The following OR11H12 variants were observed in gnomAD, a reference collection of about 807,000 sequenced individuals.
OR11H12 encodes the protein olfactory receptor family 11 subfamily H member 12, also known as olfactory receptor 11H12.
OR11H12 carries 10 observed loss-of-function variants against 19.8 expected under a neutral mutation model. The ratio of observed to expected loss-of-function variants is 0.51; its 90% CI spans 0.31 to 0.86. The LOEUF (loss-of-function observed/expected upper bound fraction) is 0.86. OR11H12 is among the 40% of genes least tolerant of loss of function. The pLI, the probability that OR11H12 is intolerant of heterozygous loss-of-function variation, is 0.04. For missense variants in OR11H12, 123 were observed against 384.2 expected (o/e 0.32, Z 5.68); for synonymous variants, 40 against 140.5 (o/e 0.28, Z 5.06).
chr14:18,601,193 A>C lies in OR11H12; in HGVS notation c.77A>C (p.Glu26Ala). Residue 26 changes from glutamate (E) to alanine (A), a missense_variant, in exon 1 of 1, where the codon GAA becomes GCA. Transcript: ENST00000550708. The stretch of plus-strand genomic sequence containing the variant: ...AATTCCAGCTTTGCTTTTGTAAATG[A>C]ATTTATACTCCAAGGTTTCACTTGT... ...EPNSSFAFVN[E>A]FILQGFTCEW... 1 of 1,608,832 alleles carries C rather than the reference A, an allele frequency of 6.2e-7. No homozygotes were observed. The highest frequency in any genetic ancestry group is 8.5e-7 in the Non-Finnish European group (1 of 1,179,442).
In OR11H12 at chr14:18,601,184, T is replaced by C; in HGVS notation, c.68T>C (p.Phe23Ser). Residue 23 changes from phenylalanine (F) to serine (S), a missense_variant, in exon 1 of 1, where the codon TTT (phenylalanine) becomes TCT (serine). Physicochemically the swap from Phe to Ser is radical, Grantham distance 155. Coordinates refer to ENST00000550708, the MANE Select transcript of OR11H12 (RefSeq NM_001013354.1). ...NVSEPNSSFA[F>S]VNEFILQGFT... Reference sequence around the variant, plus strand: ...TCTGAGCCAAATTCCAGCTTTGCTTTTGTAAATGAATTTATACTCCAAGGT... The same window carrying C: ...TCTGAGCCAAATTCCAGCTTTGCTTCTGTAAATGAATTTATACTCCAAGGT... 6.2e-7 allele frequency: 1 copy of C among 1,608,788 alleles called. No homozygotes were observed. Among genetic ancestry groups the C allele is most frequent in the Non-Finnish European group, 8.5e-7 (1 of 1,179,462 alleles).
In OR11H12 at chr14:18,601,548, C is replaced by G. The variant is rs778897707; in HGVS notation, c.432C>G (p.Pro144=). The part of the protein sequence containing the change: ...AFDQYLAICR[P]LLYPNIMTGH... The stretch of plus-strand genomic sequence containing the variant: ...ATCAGTACCTTGCTATCTGCCGTCC[C>G]TTGCTCTATCCTAATATCATGACTG... The change falls in exon 1 of 1, where the codon CCC becomes CCG. Residue 144 remains proline, a synonymous_variant. Coordinates refer to ENST00000550708, the MANE Select transcript of OR11H12 (RefSeq NM_001013354.1). 1 of 1,611,708 alleles carries G rather than the reference C, an allele frequency of 6.2e-7. No homozygotes were observed. Among genetic ancestry groups the G allele is most frequent in the Non-Finnish European group, 8.5e-7 (1 of 1,179,848 alleles).
In OR11H12 at chr14:18,601,217, G is replaced by C. The variant is rs374870325; in HGVS notation, c.101G>C (p.Cys34Ser). Residue 34 changes from cysteine (C) to serine (S), a missense_variant, in exon 1 of 1, where the codon TGT becomes TCT. Transcript: ENST00000550708. ...VNEFILQGFT[C>S]EWTIQIFLFS... ...GAATTTATACTCCAAGGTTTCACTT[G>C]TGAGTGGACAATTCAGATCTTCCTC... 10 of 1,609,118 alleles carry C rather than the reference G, an allele frequency of 6.2e-6. No homozygotes were observed. In the African/African-American group the frequency reaches 1.1e-4, roughly 18 times the overall value.
chr14:18,601,280 C>G lies in OR11H12; in HGVS notation c.164C>G (p.Thr55Arg), dbSNP rs750873255. The G allele has an allele frequency of 2.5e-5, 39 of 1,587,214 alleles. No homozygotes were observed. Among genetic ancestry groups the G allele is most frequent in the Non-Finnish European group, 3.1e-5 (36 of 1,166,066 alleles). ...ACTACAACATATGCACTGACTATAA[C>G]AGGGAATGGAGCCATTGCTTTTGTC... ...LFTTTYALTI[T>R]GNGAIAFVLW... The change falls in exon 1 of 1, where the codon ACA (threonine) becomes AGA (arginine). Residue 55 changes from threonine (T) to arginine (R), a missense_variant. Transcript: ENST00000550708.
rs555636928 is a variant in OR11H12 at position 18,601,354 on chromosome 14, A to T, written c.238A>T (p.Asn80Tyr). ...CACTCCCATGTACATGTTCCTGGGA[A>T]ATTTCTCCTTTTTAGAGATATGGTA... is the stretch of plus-strand genomic sequence containing the variant. ...LHTPMYMFLG[N>Y]FSFLEIWYVS... Residue 80 changes from asparagine (N) to tyrosine (Y), a missense_variant, in exon 1 of 1, where the codon AAT (asparagine) becomes TAT (tyrosine). By Grantham distance (143) the Asn-to-Tyr change is moderately radical. Transcript: ENST00000550708. The T allele has an allele frequency of 1.3e-5, 21 of 1,557,874 alleles. 1 individual carries two copies. In the East Asian group the frequency reaches 4.8e-4, roughly 35 times the overall value.
Position 18,601,251 on chromosome 14 carries a change from C to T in OR11H12, c.135C>T (p.Leu45=). 6.2e-7 allele frequency: 1 copy of T among 1,607,136 alleles called. No homozygotes were observed. Among genetic ancestry groups the T allele is most frequent in the East Asian group, 2.2e-5 (1 of 44,754 alleles). The stretch of plus-strand genomic sequence containing the variant: ...CAATTCAGATCTTCCTCTTCTCACT[C>T]TTTACTACAACATATGCACTGACTA... ...EWTIQIFLFS[L]FTTTYALTIT... The change falls in exon 1 of 1, where the codon CTC becomes CTT. Residue 45 remains leucine (L), a synonymous_variant. Transcript: ENST00000550708.
the OR11H12 span, chr14:18,601,288 G>T: frequency 6.4e-7 from 1 of 1,571,332 alleles, no homozygotes; most frequent in Admixed American, 1.7e-5. Flanking sequence ...AACAGGGAAT[G>T]GAGCCATTGC....
In OR11H12 at chr14:18,601,124, C is replaced by G; in HGVS notation, c.8C>G (p.Pro3Arg). 1 of 1,546,900 alleles carries G rather than the reference C, an allele frequency of 6.5e-7. No individual in the cohort carries two copies. Among genetic ancestry groups the G allele is most frequent in the South Asian group, 1.1e-5 (1 of 89,676 alleles). Residue 3 changes from proline (P) to arginine (R), a missense_variant, in exon 1 of 1, where the codon CCC (proline) becomes CGC (arginine). Coordinates refer to ENST00000550708, the MANE Select transcript of OR11H12 (RefSeq NM_001013354.1). MC[P>R]LTLQVTGLMN... Reference sequence around the variant, plus strand: ...AAAGAGTCCTGACTGATAATGTGTCCCTTGACCTTGCAGGTCACTGGCCTA... The same window carrying G: ...AAAGAGTCCTGACTGATAATGTGTCGCTTGACCTTGCAGGTCACTGGCCTA...
the OR11H12 span, chr14:18,601,223 G>A: frequency 6.2e-7 from 1 of 1,609,002 alleles, no homozygotes. Flanking sequence ...ACTTGTGAGT[G>A]GACAATTCAG....
Position 18,601,175 on chromosome 14 carries a change from G to C in OR11H12, c.59G>C (p.Ser20Thr). ...GLMNVSEPNS[S>T]FAFVNEFILQ... ...ATGAATGTCTCTGAGCCAAATTCCA[G>C]CTTTGCTTTTGTAAATGAATTTATA... Residue 20 changes from serine to threonine, a missense_variant, in exon 1 of 1, where the codon AGC (serine) becomes ACC (threonine). Coordinates refer to ENST00000550708, the MANE Select transcript of OR11H12 (RefSeq NM_001013354.1). 6.2e-7 allele frequency: 1 copy of C among 1,608,160 alleles called. No individual in the cohort carries two copies. Among genetic ancestry groups the C allele is most frequent in the Middle Eastern group, 2.3e-4 (1 of 4,420 alleles).
rs1163449514 is a variant in OR11H12, at chr14:18,601,685, A to T, written c.569A>T (p.Asp190Val). 2.5e-6 allele frequency: 4 copies of T among 1,609,704 alleles called. No homozygotes were observed. Among genetic ancestry groups the T allele is most frequent in the Non-Finnish European group, 8.5e-7 (1 of 1,178,980 alleles). Residue 190 changes from aspartate (D) to valine (V), a missense_variant, in exon 1 of 1, where the codon GAC (aspartate) becomes GTC (valine). Coordinates refer to ENST00000550708, the MANE Select transcript of OR11H12 (RefSeq NM_001013354.1). ...CCCTTCTGTGGCCCAAACATTATTGACCATGTTGTGTGTGACCCAGGGCCA... is the reference window on the plus strand; with the variant it reads ...CCCTTCTGTGGCCCAAACATTATTGTCCATGTTGTGTGTGACCCAGGGCCA... Reference protein sequence around the residue: ...QMPFCGPNIIDHVVCDPGPRF... With the variant: ...QMPFCGPNIIVHVVCDPGPRF...
rs978078679 is a variant in OR11H12, at chr14:18,601,243, T to A, written c.127T>A (p.Phe43Ile). 1 of 1,607,926 alleles carries A rather than the reference T, an allele frequency of 6.2e-7. No individual in the cohort carries two copies. The highest frequency in any genetic ancestry group is 8.5e-7 in the Non-Finnish European group (1 of 1,179,276). Reference protein sequence around the residue: ...TCEWTIQIFLFSLFTTTYALT... With the variant: ...TCEWTIQIFLISLFTTTYALT... ...TGAGTGGACAATTCAGATCTTCCTCTTCTCACTCTTTACTACAACATATGC... is the reference window on the plus strand; with the variant it reads ...TGAGTGGACAATTCAGATCTTCCTCATCTCACTCTTTACTACAACATATGC... The change falls in exon 1 of 1, where the codon TTC becomes ATC. Residue 43 changes from phenylalanine (F) to isoleucine (I), a missense_variant. By Grantham distance (21) the Phe-to-Ile change is conservative. Coordinates refer to ENST00000550708, the MANE Select transcript of OR11H12 (RefSeq NM_001013354.1).
In OR11H12 at chr14:18,601,304, T is replaced by A. The variant is rs140389230; in HGVS notation, c.188T>A (p.Val63Asp). 1 of 1,515,600 alleles carries A rather than the reference T, an allele frequency of 6.6e-7. No individual in the cohort carries two copies. The highest frequency in any genetic ancestry group is 2.3e-5 in the East Asian group (1 of 43,826). The allele number at this position is 1,515,600 out of a possible 1,614,324, so 93.9% of individuals were successfully genotyped here. A position where few individuals can be genotyped will look rare whatever the true frequency, so the allele number is the denominator to read the frequency against. The change falls in exon 1 of 1, where the codon GTC becomes GAC. Residue 63 changes from valine to aspartate, a missense_variant. Coordinates refer to ENST00000550708, the MANE Select transcript of OR11H12 (RefSeq NM_001013354.1). ...ACAGGGAATGGAGCCATTGCTTTTG[T>A]CCTGTGGTGTGACTGGCGACTTCAC... is the stretch of plus-strand genomic sequence containing the variant. ...TITGNGAIAF[V>D]LWCDWRLHTP...
Position 18,601,331 on chromosome 14 carries a change from C to G in OR11H12, c.215C>G (p.Thr72Ser). The change falls in exon 1 of 1, where the codon ACT (threonine) becomes AGT (serine). Residue 72 changes from threonine (T) to serine (S), a missense_variant. Transcript: ENST00000550708. ...FVLWCDWRLHTPMYMFLGNFS... is the reference protein window; with the variant it reads ...FVLWCDWRLHSPMYMFLGNFS... ...CTGTGGTGTGACTGGCGACTTCACA[C>G]TCCCATGTACATGTTCCTGGGAAAT... The G allele has an allele frequency of 2.0e-6, 3 of 1,515,970 alleles. No individual in the cohort carries two copies. Among genetic ancestry groups the G allele is most frequent in the Non-Finnish European group, 1.8e-6 (2 of 1,109,842 alleles). 93.9% of individuals were successfully genotyped at this position (1,515,970 alleles called of 1,614,324 possible). A position where few individuals can be genotyped will look rare whatever the true frequency, so the allele number is the denominator to read the frequency against.
rs140389230 is a variant in OR11H12 at position 18,601,304 on chromosome 14, T to C, written c.188T>C (p.Val63Ala). 1,227 of 1,515,194 alleles carry C rather than the reference T, an allele frequency of 8.1e-4. 101 individuals are homozygous for C. Among genetic ancestry groups the C allele is most frequent in the Non-Finnish European group, 9.8e-4 (1,082 of 1,108,480 alleles). The allele number at this position is 1,515,194 out of a possible 1,614,324, so 93.9% of individuals were successfully genotyped here. The change falls in exon 1 of 1, where the codon GTC becomes GCC. Residue 63 changes from valine (V) to alanine (A), a missense_variant. Transcript: ENST00000550708. The stretch of plus-strand genomic sequence containing the variant: ...ACAGGGAATGGAGCCATTGCTTTTG[T>C]CCTGTGGTGTGACTGGCGACTTCAC... ...TITGNGAIAF[V>A]LWCDWRLHTP...
At chr14:18,601,297 GC>G in the OR11H12 span, 4 of 1,537,850 alleles carry the variant, frequency 2.6e-6, no homozygotes, top group Non-Finnish European at 3.6e-6. Flanking sequence ...TGGAGCCATT[GC>G]TTTTGTCCTG....
In OR11H12 at chr14:18,602,081, G is replaced by A. The variant is rs1886662567; in HGVS notation, c.965G>A (p.Ser322Asn). The change falls in exon 1 of 1, where the codon AGT becomes AAT. Residue 322 changes from serine to asparagine, a missense_variant. Physicochemically the swap from Ser to Asn is conservative, Grantham distance 46 (BLOSUM62 1). Transcript: ENST00000550708. ...GCAGCCCTGAGGAAAGTTCTGGGAA[G>A]TTCCAACATAATCTAAGGCATATTA... The part of the protein sequence containing the change: ...IKAALRKVLG[S>N]SNII 7.0e-7 allele frequency: 1 copy of A among 1,428,544 alleles called. No homozygotes were observed. Among genetic ancestry groups the A allele is most frequent in the Non-Finnish European group, 9.4e-7 (1 of 1,061,090 alleles). 88.5% of individuals were successfully genotyped at this position (1,428,544 alleles called of 1,614,324 possible). A position where few individuals can be genotyped will look rare whatever the true frequency, so the allele number is the denominator to read the frequency against.
In OR11H12 at chr14:18,601,270, C is replaced by G; in HGVS notation, c.154C>G (p.Leu52Val). The change falls in exon 1 of 1, where the codon CTG (leucine) becomes GTG (valine). Residue 52 changes from leucine to valine, a missense_variant. Leu to Val is a conservative substitution (Grantham distance 32). Coordinates refer to ENST00000550708, the MANE Select transcript of OR11H12 (RefSeq NM_001013354.1). The stretch of plus-strand genomic sequence containing the variant: ...CTCACTCTTTACTACAACATATGCA[C>G]TGACTATAACAGGGAATGGAGCCAT... ...LFSLFTTTYA[L>V]TITGNGAIAF... is the part of the protein sequence containing the mutation. The G allele has an allele frequency of 6.2e-7, 1 of 1,601,320 alleles. No homozygotes were observed. The highest frequency in any genetic ancestry group is 8.5e-7 in the Non-Finnish European group (1 of 1,176,454).
Position 18,601,350 on chromosome 14 carries a change from G to A in OR11H12, c.234G>A (p.Leu78=), listed in dbSNP as rs143298679. The A allele has an allele frequency of 4.4e-5, 68 of 1,560,720 alleles. 9 individuals are homozygous for A. In the African/African-American group the frequency reaches 8.3e-4, roughly 19 times the overall value. The change falls in exon 1 of 1, where the codon CTG becomes CTA. Residue 78 remains leucine, a synonymous_variant. Coordinates refer to ENST00000550708, the MANE Select transcript of OR11H12 (RefSeq NM_001013354.1). ...TTCACACTCCCATGTACATGTTCCT[G>A]GGAAATTTCTCCTTTTTAGAGATAT... ...WRLHTPMYMF[L]GNFSFLEIWY...
Sources: gnomAD v4.1 joint callset for allele counts on GRCh38, gnomAD v4.1.1 for gene constraint, MANE v1.5 for transcripts, NCBI Gene and HGNC (gene_info 2026-07-23, HGNC 2026-07-21) for gene names.